The following NDRG3 variants were observed in gnomAD, a reference collection of about 807,000 sequenced individuals.
The protein encoded by NDRG3 is NDRG family member 3.
NDRG3 carries 23 observed loss-of-function variants against 57.2 expected under a neutral mutation model. The observed-to-expected ratio is 0.40, with a 90% CI of 0.29 to 0.57. The LOEUF is 0.57. Among genes scored for constraint, NDRG3 ranks in the 20% least tolerant of loss-of-function variants. The probability of loss-of-function intolerance (pLI) is 0.42; values close to 1 mark genes in which losing one functional copy is unlikely to be tolerated. For synonymous variants in NDRG3, 132 were observed against 162.6 expected, an observed-to-expected ratio of 0.81 and a Z score of 1.43; for missense variants, 384 against 457.3, an observed-to-expected ratio of 0.84 and a Z score of 1.46.
chr20:36,708,015 C>T (rs374233976), intron 2 of NDRG3, among the ~76,000 whole-genome samples: 19 of 151,100 alleles, frequency 1.3e-4, no homozygotes, highest in East Asian at 7.8e-4. Context: ...AACTGGAAGG[C>T]GGAGGTTGCA....
At chr20:36,705,178 C>T (rs1248710798) in intron 3 of NDRG3, among the ~76,000 whole-genome samples, 1 of 151,544 alleles carries the variant, frequency 6.6e-6, no homozygotes, top group Non-Finnish European at 1.5e-5. Context: ...AAAAATTAGC[C>T]AGGTGTGGTG....
rs151179415 is a variant in NDRG3 at position 36,678,048 on chromosome 20, T to A, written c.531+2768A>T. 3.4e-3 allele frequency among the ~76,000 whole-genome samples: 519 copies of A among 152,354 alleles called. 7 individuals are homozygous for A. Among genetic ancestry groups the A allele is most frequent in the African/African-American group, 0.012 (502 of 41,598 alleles). ...TTTGTAAAGTCATTAGCATTCCCTT[T>A]AGTTTCCTATCTCCTTGAATGGATT... On this transcript the variant is annotated intron_variant, in intron 8 of 15. Transcript: ENST00000349004.
intron 12 of NDRG3, 75 bp from the exon 13 acceptor site, chr20:36,660,459 A>G: frequency 9.0e-7 from 1 of 1,107,846 alleles, no homozygotes; most frequent in South Asian, 1.3e-5. Flanking sequence ...CGGTATGAGA[A>G]TCATCTTGCA....
chr20:36,661,217 G>T (rs1261321246), intron 12 of NDRG3, among the ~76,000 whole-genome samples: 1 of 151,752 alleles, frequency 6.6e-6, no homozygotes, highest in African/African-American at 2.4e-5. Flanking sequence ...GTCCAAAGTT[G>T]AACTCTTCTC....
intron 3 of NDRG3, among the ~76,000 whole-genome samples, chr20:36,696,001 T>G (rs1982753355): frequency 6.6e-6 from 1 of 152,168 alleles, no homozygotes; most frequent in Non-Finnish European, 1.5e-5. Context: ...TTGTACTCTT[T>G]CCCTTTATTT....
chr20:36,706,869 T>A (rs1983577432), intron 3 of NDRG3, 103 bp downstream of exon 3: 1 of 952,952 alleles, frequency 1.0e-6, no homozygotes, highest in African/African-American at 1.6e-5. Context: ...GGACTCATTA[T>A]TAGCTATAAT....
chr20:36,663,054 T>C (rs1979340051), intron 12 of NDRG3, among the ~76,000 whole-genome samples: 1 of 152,208 alleles, frequency 6.6e-6, no homozygotes, highest in African/African-American at 2.4e-5. Flanking sequence ...TTTGACAGTT[T>C]GGCAGCATGT....
intron 3 of NDRG3, among the ~76,000 whole-genome samples, chr20:36,699,742 AGACAGT>A (rs1484905685): frequency 1.3e-5 from 2 of 151,926 alleles, no homozygotes; most frequent in Non-Finnish European, 2.9e-5. Flanking sequence ...GATGGGGATG[AGACAGT>A]GAGCTGCCAG....
In NDRG3 at chr20:36,665,091, A is replaced by G. The variant is rs760360283; in HGVS notation, c.765T>C (p.Ser255=). 3 of 1,614,172 alleles carry G rather than the reference A, an allele frequency of 1.9e-6. No individual in the cohort carries two copies. In the South Asian group the frequency reaches 3.3e-5, roughly 18 times the overall value. Residue 255 remains serine, a synonymous_variant, in exon 12 of 16, where the codon TCT becomes TCC. Coordinates refer to ENST00000349004, the MANE Select transcript of NDRG3 (RefSeq NM_032013.4). ...NDNKSKTLKC[S]TLLVVGDNSP... ...AATTGTCCCCTACCACCAGTAAAGTAGAACACCTAGGTAGGCAAAGTAAGA... is the reference window on the plus strand; with the variant it reads ...AATTGTCCCCTACCACCAGTAAAGTGGAACACCTAGGTAGGCAAAGTAAGA...
intron 3 of NDRG3, among the ~76,000 whole-genome samples, chr20:36,697,080 T>C (rs1982855512): frequency 6.6e-6 from 1 of 152,138 alleles, no homozygotes; most frequent in Non-Finnish European, 1.5e-5. Context: ...AAAAGAACTT[T>C]GAAAGGCAGC....
intron 15 of NDRG3, among the ~76,000 whole-genome samples, chr20:36,655,880 A>C (rs1042007518): frequency 1.3e-5 from 2 of 152,200 alleles, no homozygotes; most frequent in African/African-American, 4.8e-5. Context: ...TCACGCATGT[A>C]ATCCCAGCAC....
chr20:36,661,566 AGGT>A (rs763873205), intron 12 of NDRG3, among the ~76,000 whole-genome samples: 61 of 152,336 alleles, frequency 4.0e-4, no homozygotes, highest in African/African-American at 1.4e-3. Context: ...TAAAGGGAAA[AGGT>A]GAGTGTTTGA....
At chr20:36,737,566 C>T (rs771966704) in intron 1 of NDRG3, among the ~76,000 whole-genome samples, 14 of 152,050 alleles carry the variant, frequency 9.2e-5, no homozygotes, top group Non-Finnish European at 1.9e-4. Flanking sequence ...TTTAATCCAC[C>T]CCATTTTACA....
rs1568680560 is a variant in NDRG3 at position 36,744,377 on chromosome 20, C to T, written c.-49+1668G>A. Among the ~76,000 whole-genome samples, 3 of 151,638 alleles carry T rather than the reference C, an allele frequency of 2.0e-5. No homozygotes were observed. The South Asian group carries it at 6.2e-4, about 31-fold the overall frequency. ...AGAAGGGCACCAGAAGAACACCACG[C>T]TTTGAGTAATGAAAAGGGGGGGTGG... On this transcript the variant is annotated intron_variant, in intron 1 of 15. Transcript: ENST00000349004.
intron 8 of NDRG3, among the ~76,000 whole-genome samples, chr20:36,671,932 T>TA (rs1019493460): frequency 1.3e-5 from 2 of 152,164 alleles, no homozygotes; most frequent in African/African-American, 4.8e-5. Flanking sequence ...TAAAGCCTGC[T>TA]ATGAAATAGG....
At chr20:36,700,441 G>A in intron 3 of NDRG3, 1 of 532,466 alleles carries the variant, frequency 1.9e-6, no homozygotes, top group South Asian at 1.4e-5. Flanking sequence ...TCACCTCCAT[G>A]GTGATTGGCA....
At chr20:36,701,539 T>C (rs1397398750) in intron 3 of NDRG3, among the ~76,000 whole-genome samples, 2 of 148,266 alleles carry the variant, frequency 1.3e-5, no homozygotes, top group Non-Finnish European at 3.0e-5. Flanking sequence ...AGTAAGACCC[T>C]GTATCTTTTT....
At chr20:36,739,133 T>TTAAAAAAAAA (rs1568676736) in intron 1 of NDRG3, among the ~76,000 whole-genome samples, 2 of 31,526 alleles carry the variant, frequency 6.3e-5, no homozygotes, top group Non-Finnish European at 1.1e-4. Flanking sequence ...AGACCCCATC[T>TTAAAAAAAAA]CAAAAAAAAA....
rs756000836 is a variant in NDRG3, at chr20:36,687,532, C to T, written c.280G>A (p.Ala94Thr). 2 of 1,613,918 alleles carry T rather than the reference C, an allele frequency of 1.2e-6. No individual in the cohort carries two copies. Among genetic ancestry groups the T allele is most frequent in the Admixed American group, 1.7e-5 (1 of 59,992 alleles). The change falls in exon 5 of 16, where the codon GCC (alanine) becomes ACC (threonine). Residue 94 changes from alanine to threonine, a missense_variant. By Grantham distance (58) the Ala-to-Thr change is moderately conservative. Coordinates refer to ENST00000349004, the MANE Select transcript of NDRG3 (RefSeq NM_032013.4). Reference protein sequence around the residue: ...TQHFAVCHVDAPGQQEGAPSF... With the variant: ...TQHFAVCHVDTPGQQEGAPSF... ...GGTGCACCTTCCTGCTGGCCTGGGGCATCCACATGACAGACAGCAAAGTGC... is the reference window on the plus strand; with the variant it reads ...GGTGCACCTTCCTGCTGGCCTGGGGTATCCACATGACAGACAGCAAAGTGC...
Sources: allele counts gnomAD v4.1 joint callset (sites outside exome capture counted in the v4.1 genomes callset), GRCh38; gene constraint gnomAD v4.1.1; transcripts MANE v1.5; gene names NCBI Gene and HGNC (gene_info 2026-07-23, HGNC 2026-07-21).